Variants in NELL2 observed in about 807,000 individuals in gnomAD.
NELL2 encodes protein kinase C-binding protein NELL2.
Under a neutral mutation model 109.6 loss-of-function variants are expected in NELL2, and 41 were observed. The ratio of observed to expected loss-of-function variants is 0.37; its 90% CI spans 0.29 to 0.49. NELL2 has a LOEUF of 0.49. NELL2 is among the 20% of genes least tolerant of loss of function. The probability of loss-of-function intolerance (pLI) is 0.98; values close to 1 mark genes in which losing one functional copy is unlikely to be tolerated. For missense variants in NELL2, 900 were observed against 1,008.3 expected, an observed-to-expected ratio of 0.89 and a Z score of 1.45; for synonymous variants, 355 against 344.7, an observed-to-expected ratio of 1.03 and a Z score of -0.33.
At chr12:44,719,990 A>G (rs1252266039) in intron 9 of NELL2, among the ~76,000 whole-genome samples, 2 of 151,886 alleles carry the variant, frequency 1.3e-5, no homozygotes, top group African/African-American at 4.8e-5. Context: ...AATATTCTTA[A>G]AAAGCTCCAA....
intron 13 of NELL2, among the ~76,000 whole-genome samples, chr12:44,661,988 G>C (rs1046868389): frequency 1.3e-5 from 2 of 151,256 alleles, no homozygotes; most frequent in Non-Finnish European, 2.9e-5. Context: ...GTGATACCCA[G>C]TATTTTTTCT....
At chr12:44,607,792 G>C (rs894591075) in intron 14 of NELL2, among the ~76,000 whole-genome samples, 1 of 152,064 alleles carries the variant, frequency 6.6e-6, no homozygotes, top group African/African-American at 2.4e-5. Context: ...AAATTCATTA[G>C]AGTGGTCTTC....
intron 15 of NELL2, among the ~76,000 whole-genome samples, chr12:44,579,237 T>G (rs1207418389): frequency 6.6e-6 from 1 of 152,194 alleles, no homozygotes; most frequent in Admixed American, 6.5e-5. Context: ...TCTACATGTT[T>G]TTGTAAAAAA....
At chr12:44,654,397 C>T (rs1947415607) in intron 13 of NELL2, among the ~76,000 whole-genome samples, 2 of 152,270 alleles carry the variant, frequency 1.3e-5, no homozygotes, top group Admixed American at 6.5e-5. Flanking sequence ...TAATTAACTA[C>T]ATATAATACT....
At chr12:44,870,656 T>C (rs1418501100) in intron 2 of NELL2, among the ~76,000 whole-genome samples, 2 of 152,160 alleles carry the variant, frequency 1.3e-5, no homozygotes, top group Non-Finnish European at 2.9e-5. Flanking sequence ...CCTTGGCTTG[T>C]GGCCCACTAT....
intron 9 of NELL2, among the ~76,000 whole-genome samples, chr12:44,768,708 G>A (rs928620710): frequency 2.4e-4 from 36 of 151,836 alleles, no homozygotes; most frequent in African/African-American, 8.2e-4. Flanking sequence ...TTAAAACAGC[G>A]CATCTGATAC....
At chr12:44,629,074 AC>A (rs1946363761) in intron 13 of NELL2, among the ~76,000 whole-genome samples, 1 of 152,194 alleles carries the variant, frequency 6.6e-6, no homozygotes, top group African/African-American at 2.4e-5. Context: ...AAATTTGGGT[AC>A]AAAGGAGTCA....
At chr12:44,812,726 A>C (rs906252543) in intron 3 of NELL2, among the ~76,000 whole-genome samples, 1 of 152,178 alleles carries the variant, frequency 6.6e-6, no homozygotes, top group East Asian at 1.9e-4. Context: ...AGATGATAGA[A>C]GGCAATATCA....
At chr12:44,652,315 C>T (rs545821792) in intron 13 of NELL2, among the ~76,000 whole-genome samples, 8 of 152,248 alleles carry the variant, frequency 5.3e-5, no homozygotes, top group African/African-American at 1.7e-4. Context: ...ATGTGCTATA[C>T]ATTTATTTTA....
rs1416239608 is a variant in NELL2 at position 44,617,706 on chromosome 12, A to G, written c.1445-6736T>C. On this transcript the variant is annotated intron_variant, in intron 13 of 19. Coordinates refer to ENST00000429094, the MANE Select transcript of NELL2 (RefSeq NM_001145108.2). ...GACTCCGTCTCAAAAAAAAAAAAAA[A>G]AAAAAAAGAAAAAGCAGTTGTGAAG... Among the ~76,000 whole-genome samples, 3 of 148,974 alleles carry G rather than the reference A, an allele frequency of 2.0e-5. 1 individual carries two copies. Among genetic ancestry groups the G allele is most frequent in the African/African-American group, 7.4e-5 (3 of 40,676 alleles).
At chr12:44,639,283 T>A (rs1946758497) in intron 13 of NELL2, among the ~76,000 whole-genome samples, 1 of 152,112 alleles carries the variant, frequency 6.6e-6, no homozygotes. Flanking sequence ...TTGTAAATAA[T>A]GACATAAATG....
At chr12:44,532,519 T>C in intron 16 of NELL2, 62 bp downstream of exon 16, 2 of 1,531,018 alleles carry the variant, frequency 1.3e-6, no homozygotes, top group African/African-American at 1.4e-5. Flanking sequence ...ATTTATAGCT[T>C]ATGATATATT....
intron 19 of NELL2, among the ~76,000 whole-genome samples, chr12:44,509,817 AG>A (rs1940904150): frequency 6.6e-6 from 1 of 152,212 alleles, no homozygotes. Context: ...GATTAATAAA[AG>A]ACTAGCTACT....
intron 9 of NELL2, among the ~76,000 whole-genome samples, chr12:44,743,374 T>G (rs926920045): frequency 2.0e-5 from 3 of 152,160 alleles, no homozygotes; most frequent in African/African-American, 4.8e-5. Flanking sequence ...CCATCGAGGC[T>G]AGGAAGAAAC....
At chr12:44,818,892 G>A (rs1376405286) in intron 2 of NELL2, among the ~76,000 whole-genome samples, 3 of 150,510 alleles carry the variant, frequency 2.0e-5, no homozygotes, top group South Asian at 2.1e-4. Flanking sequence ...ACAGGCGCCC[G>A]CCACCGCGCC....
At chr12:44,543,672 T>A (rs1052288898) in intron 15 of NELL2, among the ~76,000 whole-genome samples, 1 of 152,154 alleles carries the variant, frequency 6.6e-6, no homozygotes, top group Non-Finnish European at 1.5e-5. Context: ...ATGTCTAAAT[T>A]TGCCAAAGAG....
At chr12:44,608,818 C>T (rs1945501455) in intron 14 of NELL2, among the ~76,000 whole-genome samples, 1 of 151,568 alleles carries the variant, frequency 6.6e-6, no homozygotes, top group African/African-American at 2.4e-5. Context: ...GTAGTCTCCG[C>T]TCATGCATTG....
intron 15 of NELL2, among the ~76,000 whole-genome samples, chr12:44,543,763 T>C (rs1412244589): frequency 6.6e-6 from 1 of 152,186 alleles, no homozygotes; most frequent in East Asian, 1.9e-4. Flanking sequence ...TCTCTACCAA[T>C]TCTAGTGCAT....
At chr12:44,561,848 G>A (rs1457150420) in intron 15 of NELL2, among the ~76,000 whole-genome samples, 1 of 152,160 alleles carries the variant, frequency 6.6e-6, no homozygotes. Flanking sequence ...CCAAAAAAGA[G>A]TCTGTATAGC....
Sources: gnomAD v4.1 joint callset for allele counts (sites outside exome capture counted in the v4.1 genomes callset) on GRCh38, gnomAD v4.1.1 for gene constraint, MANE v1.5 for transcripts, NCBI Gene and HGNC (gene_info 2026-07-23, HGNC 2026-07-21) for gene names.